The following IMMP2L variants were observed in gnomAD, a reference collection of about 807,000 sequenced individuals.
IMMP2L encodes the protein mitochondrial inner membrane protease subunit 2.
Under a neutral mutation model 19.3 loss-of-function variants are expected in IMMP2L, and 18 were observed. The ratio of observed to expected loss-of-function variants is 0.93; its 90% CI spans 0.64 to 1.38. The LOEUF is 1.38. Ranked by LOEUF, IMMP2L falls within the 40% of genes most tolerant of loss-of-function variation. The probability of loss-of-function intolerance (pLI) is 0.00; values close to 1 mark genes in which losing one functional copy is unlikely to be tolerated. For missense variants in IMMP2L, 233 were observed against 218.2 expected (o/e 1.07, Z -0.43); for synonymous variants, 76 against 73.0 (o/e 1.04, Z -0.21).
chr7:111,123,990 T>A lies in IMMP2L; in HGVS notation c.240-160425A>T. ...ACCCACCTGAATTCCAAGGTCAGAA[T>A]GTTCGGCAAGTGCATTTCAGGGACA... On this transcript the variant is annotated intron_variant, in intron 3 of 5. Coordinates refer to ENST00000405709, the MANE Select transcript of IMMP2L (RefSeq NM_032549.4). This position sits in a 1 kb window ranked among gnomAD's most constrained non-coding sequence, Gnocchi z 6.4. The A allele has an allele frequency of 6.2e-7, 1 of 1,614,094 alleles. No individual in the cohort carries two copies.
intron 3 of IMMP2L, among the ~76,000 whole-genome samples, chr7:111,352,424 A>G (rs111721951): frequency 2.9e-5 from 4 of 139,732 alleles, no homozygotes; most frequent in African/African-American, 1.1e-4. Flanking sequence ...GACCAGGCTG[A>G]TCTAAAACTC....
intron 3 of IMMP2L, among the ~76,000 whole-genome samples, chr7:111,310,135 T>C (rs2130253620): frequency 6.6e-6 from 1 of 151,434 alleles, no homozygotes; most frequent in African/African-American, 2.4e-5. Context: ...CTCGCGGGGC[T>C]GAGGCAGGAG....
chr7:111,059,286 C>T (rs368385418), intron 3 of IMMP2L, among the ~76,000 whole-genome samples: 2 of 152,078 alleles, frequency 1.3e-5, no homozygotes, highest in African/African-American at 2.4e-5. Flanking sequence ...CCAGCCTTCT[C>T]GCATCTTGTC....
chr7:110,955,893 A>T (rs1410449947), intron 4 of IMMP2L, among the ~76,000 whole-genome samples: 4 of 151,988 alleles, frequency 2.6e-5, no homozygotes, highest in Non-Finnish European at 1.5e-5. Flanking sequence ...ATATGGATAC[A>T]TTGGCTTCTA....
chr7:110,848,633 C>A (rs548724749), intron 5 of IMMP2L, among the ~76,000 whole-genome samples: 1 of 152,244 alleles, frequency 6.6e-6, no homozygotes, highest in East Asian at 1.9e-4. Flanking sequence ...TTATTCATAA[C>A]TTCCAAAACT....
chr7:110,930,529 C>T (rs1317798028), intron 4 of IMMP2L, among the ~76,000 whole-genome samples: 2 of 152,092 alleles, frequency 1.3e-5, no homozygotes, highest in Admixed American at 6.6e-5. Context: ...TATATTATTT[C>T]TACTTTACTA....
chr7:111,010,975 T>TG, intron 3 of IMMP2L, among the ~76,000 whole-genome samples: 1 of 150,992 alleles, frequency 6.6e-6, no homozygotes, highest in East Asian at 1.9e-4. Flanking sequence ...ACCCAGGTGT[T>TG]GAAAGTGTCC....
At chr7:111,018,836 TTAC>T (rs1211382666) in intron 3 of IMMP2L, among the ~76,000 whole-genome samples, 8 of 140,288 alleles carry the variant, frequency 5.7e-5, no homozygotes, top group African/African-American at 2.1e-4. Context: ...ATTATTATTA[TTAC>T]AAGCATCAGT....
intron 5 of IMMP2L, among the ~76,000 whole-genome samples, chr7:110,719,498 G>GA (rs984879228): frequency 1.9e-4 from 29 of 151,906 alleles, no homozygotes; most frequent in African/African-American, 2.7e-4. Context: ...TTGTGCTCTG[G>GA]AAAAAAACCC....
At chr7:111,161,117 C>T (rs922234800) in intron 3 of IMMP2L, among the ~76,000 whole-genome samples, 109 of 151,904 alleles carry the variant, frequency 7.2e-4, no homozygotes, top group African/African-American at 2.5e-3. Context: ...ATACAACAGA[C>T]TCCGAGATTT....
At chr7:111,058,469 T>C (rs1336158643) in intron 3 of IMMP2L, among the ~76,000 whole-genome samples, 1 of 152,202 alleles carries the variant, frequency 6.6e-6, no homozygotes, top group African/African-American at 2.4e-5. Context: ...TAGGACACAG[T>C]CTATTCTCAT....
In IMMP2L at chr7:110,892,425, A is replaced by G. The variant is rs113948970; in HGVS notation, c.306-5730T>C. On this transcript the variant is annotated intron_variant, in intron 4 of 5. Coordinates refer to ENST00000405709, the MANE Select transcript of IMMP2L (RefSeq NM_032549.4). The stretch of plus-strand genomic sequence containing the variant: ...CTCCCTTCCCCCTAAAAAGAAGGGT[A>G]TAAAATGGTCTGTACTCCGCTGCAT... Among the ~76,000 whole-genome samples, 23 of 152,268 alleles carry G rather than the reference A, an allele frequency of 1.5e-4. 1 individual carries two copies. Among genetic ancestry groups the G allele is most frequent in the African/African-American group, 5.5e-4 (23 of 41,562 alleles).
chr7:110,894,448 T>A (rs1413721051), intron 4 of IMMP2L, among the ~76,000 whole-genome samples: 1 of 152,216 alleles, frequency 6.6e-6, no homozygotes, highest in Non-Finnish European at 1.5e-5. Context: ...TATAATGGTT[T>A]TAATTTGCAT....
chr7:110,983,787 A>G (rs890520010), intron 3 of IMMP2L, among the ~76,000 whole-genome samples: 57 of 152,128 alleles, frequency 3.7e-4, no homozygotes, highest in African/African-American at 1.3e-3. Flanking sequence ...ACATACATTC[A>G]GTAGTATCAA....
intron 5 of IMMP2L, among the ~76,000 whole-genome samples, chr7:110,818,854 G>A (rs1046466626): frequency 1.3e-5 from 2 of 150,066 alleles, no homozygotes; most frequent in Non-Finnish European, 3.0e-5. Context: ...GCAAACTATC[G>A]CAAGGACAAA....
chr7:110,892,218 T>C (rs559072613), intron 4 of IMMP2L, among the ~76,000 whole-genome samples: 6 of 152,252 alleles, frequency 3.9e-5, no homozygotes, highest in African/African-American at 1.2e-4. Context: ...TCCCTGAGTT[T>C]TCATTAACTG....
chr7:111,084,429 A>G (rs1189932324), intron 3 of IMMP2L, among the ~76,000 whole-genome samples: 1 of 152,110 alleles, frequency 6.6e-6, no homozygotes, highest in Non-Finnish European at 1.5e-5. Context: ...TTACCAGACA[A>G]TTGGAGGGAA....
intron 3 of IMMP2L, among the ~76,000 whole-genome samples, chr7:111,191,614 G>T (rs1231621012): frequency 6.6e-6 from 1 of 152,036 alleles, no homozygotes; most frequent in East Asian, 1.9e-4. Context: ...TGACAGGTCA[G>T]TAGTAGCACA....
At chr7:111,057,406 T>C (rs748987240) in intron 3 of IMMP2L, among the ~76,000 whole-genome samples, 46 of 88,208 alleles carry the variant, frequency 5.2e-4, no homozygotes, top group Non-Finnish European at 8.3e-4. Context: ...TTATTAATTA[T>C]AGTCTAACAC....
Sources: allele counts gnomAD v4.1 joint callset (sites outside exome capture counted in the v4.1 genomes callset), GRCh38; gene constraint gnomAD v4.1.1; non-coding constraint Gnocchi (gnomAD v3.1); transcripts MANE v1.5; gene names NCBI Gene and HGNC (gene_info 2026-07-23, HGNC 2026-07-21).